Variants in AOX1 observed in about 807,000 individuals in gnomAD.
AOX1 encodes aldehyde oxidase.
AOX1 carries 153 observed loss-of-function variants against 169.5 expected under a neutral mutation model. The ratio of observed to expected loss-of-function variants is 0.90; its 90% CI spans 0.79 to 1.03. The LOEUF (loss-of-function observed/expected upper bound fraction) is 1.03. Ranked by LOEUF, AOX1 falls within the 50% of genes least tolerant of loss-of-function variation. The probability of loss-of-function intolerance (pLI) is 0.00; values close to 1 mark genes in which losing one functional copy is unlikely to be tolerated. For missense variants in AOX1, 1,656 were observed against 1,663.9 expected, an observed-to-expected ratio of 1.00 and a Z score of 0.08; for synonymous variants, 562 against 581.9, an observed-to-expected ratio of 0.97 and a Z score of 0.49.
rs1319616062 is a variant in AOX1, at chr2:200,662,885, A to G, written c.3459A>G (p.Lys1153=). The G allele has an allele frequency of 3.1e-6, 5 of 1,614,060 alleles. No homozygotes were observed. The highest frequency in any genetic ancestry group is 1.7e-5 in the Admixed American group (1 of 60,020). ...ATGAGTCAGACATGAACTGGGAGAAAGGCGAAGGCCAGCCCTTCGAATACT... is the reference window on the plus strand; with the variant it reads ...ATGAGTCAGACATGAACTGGGAGAAGGGCGAAGGCCAGCCCTTCGAATACT... ...RGYESDMNWE[K]GEGQPFEYFV... is the part of the protein sequence containing the mutation. Residue 1153 remains lysine (K), a synonymous_variant, in exon 31 of 35, where the codon AAA becomes AAG. Coordinates refer to ENST00000374700, the MANE Select transcript of AOX1 (RefSeq NM_001159.4).
Position 200,618,061 on chromosome 2 carries a change from C to T in AOX1, c.1704+1998C>T, listed in dbSNP as rs2034804046. ...GTGTTGGGACTGTCTCCAATCTGTG[C>T]TCATGCCTGAACCCCAATAAGTAAA... On this transcript the variant is annotated intron_variant, in intron 16 of 34. Transcript: ENST00000374700. 1.3e-5 allele frequency among the ~76,000 whole-genome samples: 2 copies of T among 152,128 alleles called. 1 individual carries two copies. Among genetic ancestry groups the T allele is most frequent in the South Asian group, 4.1e-4 (2 of 4,828 alleles).
At chr2:200,659,032 G>A (rs1393824836) in intron 27 of AOX1, 133 bp from the exon 28 acceptor site, 3 of 738,724 alleles carry the variant, frequency 4.1e-6, no homozygotes, top group Non-Finnish European at 6.2e-6. Context: ...TTCATGGCTG[G>A]AGGAATTTGT....
intron 26 of AOX1, among the ~76,000 whole-genome samples, chr2:200,655,599 G>A (rs974743123): frequency 1.3e-5 from 2 of 152,144 alleles, no homozygotes; most frequent in African/African-American, 4.8e-5. Context: ...GTATCCTGAT[G>A]TCCCCATTTG....
chr2:200,659,487 A>G (rs1391089637), intron 28 of AOX1, among the ~76,000 whole-genome samples, 194 bp downstream of exon 28: 1 of 151,976 alleles, frequency 6.6e-6, no homozygotes, highest in African/African-American at 2.4e-5. Flanking sequence ...CACTCCTGAC[A>G]TTTTTCTAAT....
intron 20 of AOX1, among the ~76,000 whole-genome samples, chr2:200,630,415 C>T (rs995761110): frequency 6.6e-6 from 1 of 151,406 alleles, no homozygotes; most frequent in African/African-American, 2.4e-5. Context: ...CCCAGCTACT[C>T]GGAAGGCTGA....
At position 200,609,368 on chromosome 2, in the gene AOX1, TC is replaced by T. The variant is rs780344876; in HGVS notation, c.1110del (p.Ile371SerfsTer22). 6.2e-7 allele frequency: 1 copy of T among 1,613,996 alleles called. No homozygotes were observed. Among genetic ancestry groups the T allele is most frequent in the East Asian group, 2.2e-5 (1 of 44,892 alleles). On this transcript the variant is annotated frameshift_variant, in exon 12 of 35. Transcript: ENST00000374700. LOFTEE classifies it high-confidence loss of function. ...ISRHPDSDLN[P>X]ILAVGNCTLN... ...GCAGGCATCCAGATTCAGATCTGAA[TC>T]CCATCCTGGCTGTGGGTAACTGTAC... is the stretch of plus-strand genomic sequence containing the variant.
intron 10 of AOX1, among the ~76,000 whole-genome samples, chr2:200,607,731 T>C (rs2034545003): frequency 6.6e-6 from 1 of 151,976 alleles, no homozygotes; most frequent in Non-Finnish European, 1.5e-5. Flanking sequence ...TGCACATCAA[T>C]GATAGACTGG....
chr2:200,597,275 T>C, intron 3 of AOX1, 122 bp from the exon 4 acceptor site: 1 of 576,352 alleles, frequency 1.7e-6, no homozygotes, highest in Non-Finnish European at 2.9e-6. Context: ...GAAATGTATG[T>C]GTAAAACCTG....
intron 21 of AOX1, 142 bp from the exon 22 acceptor site, chr2:200,636,769 A>C: frequency 2.1e-6 from 2 of 957,336 alleles, no homozygotes; most frequent in Non-Finnish European, 3.1e-6. Context: ...TAAAGAATCA[A>C]AACATCTAGT....
In AOX1 at chr2:200,651,143, G is replaced by A; in HGVS notation, c.3017G>A (p.Gly1006Glu). ...GCAGAGAATTATTGGAAGAAGAAAG[G>A]ACTGGCCATGGTCCCCCTGAAGTTT... is the stretch of plus-strand genomic sequence containing the variant. Reference protein sequence around the residue: ...FNAENYWKKKGLAMVPLKFPV... With the variant: ...FNAENYWKKKELAMVPLKFPV... The change falls in exon 26 of 35, where the codon GGA becomes GAA. Residue 1006 changes from glycine (G) to glutamate (E), a missense_variant. Physicochemically the swap from Gly to Glu is moderately conservative, Grantham distance 98. Transcript: ENST00000374700. 6.2e-7 allele frequency: 1 copy of A among 1,614,184 alleles called. No homozygotes were observed. Among genetic ancestry groups the A allele is most frequent in the Non-Finnish European group, 8.5e-7 (1 of 1,180,034 alleles).
intron 25 of AOX1, among the ~76,000 whole-genome samples, chr2:200,649,719 G>A (rs1448828123): frequency 6.6e-6 from 1 of 152,094 alleles, no homozygotes; most frequent in Non-Finnish European, 1.5e-5. Flanking sequence ...ATCCTGGAAT[G>A]GAATTAGTGT....
downstream of AOX1, among the ~76,000 whole-genome samples, chr2:200,679,872 A>G (rs1031081293): frequency 6.6e-6 from 1 of 152,138 alleles, no homozygotes; most frequent in African/African-American, 2.4e-5. Flanking sequence ...GCTTGAGCCA[A>G]GGAGTTCAAG....
chr2:200,638,029 C>G lies in AOX1; in HGVS notation c.2481-186C>G, dbSNP rs2035271957. Reference sequence around the variant, plus strand: ...AAGTTGCAAATGCCTGGCATTATTCCCTGACCTAACGGGAGGAAAGCCCAC... The same window carrying G: ...AAGTTGCAAATGCCTGGCATTATTCGCTGACCTAACGGGAGGAAAGCCCAC... On this transcript the variant is annotated intron_variant, in intron 22 of 34. Coordinates refer to ENST00000374700, the MANE Select transcript of AOX1 (RefSeq NM_001159.4). 26 of 507,960 alleles carry G rather than the reference C, an allele frequency of 5.1e-5. 2 individuals carry two copies. The South Asian group carries it at 5.4e-4, about 11-fold the overall frequency. 31.5% of individuals were successfully genotyped at this position (507,960 alleles called of 1,614,324 possible). A position where few individuals can be genotyped will look rare whatever the true frequency, so the allele number is the denominator to read the frequency against.
intron 20 of AOX1, among the ~76,000 whole-genome samples, chr2:200,632,368 A>C (rs556176369): frequency 6.6e-6 from 1 of 151,238 alleles, no homozygotes; most frequent in East Asian, 1.9e-4. Context: ...ATAAAATATC[A>C]CAGTCTGGTT....
intron 13 of AOX1, among the ~76,000 whole-genome samples, chr2:200,612,038 C>G (rs1416864997): frequency 2.6e-5 from 4 of 152,130 alleles, no homozygotes; most frequent in African/African-American, 9.7e-5. Flanking sequence ...TCTCCCCCTA[C>G]CCCAAGCTCT....
At chr2:200,655,034 T>C (rs1266843213) in intron 26 of AOX1, among the ~76,000 whole-genome samples, 1 of 152,208 alleles carries the variant, frequency 6.6e-6, no homozygotes, top group African/African-American at 2.4e-5. Context: ...TCCACTATAA[T>C]TGTAGCTTAA....
intron 10 of AOX1, among the ~76,000 whole-genome samples, chr2:200,605,986 T>A (rs180812587): frequency 9.8e-5 from 15 of 152,368 alleles, no homozygotes; most frequent in Admixed American, 7.8e-4. Context: ...CTCTTTAGTT[T>A]AATTAGATCC....
chr2:200,606,590 G>T (rs959743126), intron 10 of AOX1, among the ~76,000 whole-genome samples: 5 of 152,174 alleles, frequency 3.3e-5, no homozygotes, highest in Non-Finnish European at 7.4e-5. Context: ...CCATTTTCAT[G>T]GTATTGATTC....
chr2:200,606,752 T>G (rs2034524957), intron 10 of AOX1, among the ~76,000 whole-genome samples: 1 of 152,330 alleles, frequency 6.6e-6, no homozygotes, highest in Non-Finnish European at 1.5e-5. Flanking sequence ...CAATTGTGAA[T>G]GGGAGTTCAT....
Sources: gnomAD v4.1 joint callset for allele counts (sites outside exome capture counted in the v4.1 genomes callset) on GRCh38, gnomAD v4.1.1 for gene constraint, MANE v1.5 for transcripts, NCBI Gene and HGNC (gene_info 2026-07-23, HGNC 2026-07-21) for gene names.